Variants in CCDC85C observed in about 807,000 individuals in gnomAD.
CCDC85C encodes the protein coiled-coil domain containing 85C.
CCDC85C carries 18 observed loss-of-function variants against 38.3 expected under a neutral mutation model. That is an observed-to-expected ratio of 0.47 (90% CI 0.33 to 0.70). CCDC85C has a LOEUF of 0.70. Among genes scored for constraint, CCDC85C ranks in the 30% least tolerant of loss-of-function variants. The pLI, the probability that CCDC85C is intolerant of heterozygous loss-of-function variation, is 0.03. For synonymous variants in CCDC85C, 264 were observed against 293.8 expected (o/e 0.90, Z 1.04); for missense variants, 566 against 621.2 (o/e 0.91, Z 0.94).
chr14:99,580,979 T>C (rs1043500045), intron 1 of CCDC85C, among the ~76,000 whole-genome samples: 2 of 152,172 alleles, frequency 1.3e-5, no homozygotes, highest in Non-Finnish European at 2.9e-5. Context: ...TTCAGAATCC[T>C]GAACCTGATG....
At chr14:99,573,581 G>C (rs1284829093) in intron 1 of CCDC85C, among the ~76,000 whole-genome samples, 1 of 152,216 alleles carries the variant, frequency 6.6e-6, no homozygotes, top group Non-Finnish European at 1.5e-5. Context: ...CAGTGAGGCA[G>C]ACCCGGCCTG....
rs983832045 is a variant in CCDC85C at position 99,588,681 on chromosome 14, A to C, written c.793+14486T>G. 6.6e-6 allele frequency among the ~76,000 whole-genome samples: 1 copy of C among 151,920 alleles called. No individual in the cohort carries two copies. Among genetic ancestry groups the C allele is most frequent in the African/African-American group, 2.4e-5 (1 of 41,358 alleles). ...TGGTCTGGGGTCAGGTCATTCCCCCACCCGTATAAGCACTTGGAAGGTGGT... is the reference window on the plus strand; with the variant it reads ...TGGTCTGGGGTCAGGTCATTCCCCCCCCCGTATAAGCACTTGGAAGGTGGT... On this transcript the variant is annotated intron_variant, in intron 1 of 5. Transcript: ENST00000380243. This position sits in a 1 kb window ranked among gnomAD's most constrained non-coding sequence, Gnocchi z 5.0.
intron 1 of CCDC85C, among the ~76,000 whole-genome samples, chr14:99,540,853 C>G (rs1014101121): frequency 6.6e-5 from 10 of 152,300 alleles, no homozygotes; most frequent in Admixed American, 6.5e-4. Flanking sequence ...AGTCACAGAG[C>G]CTGCAGGTCT....
chr14:99,531,057 G>A (rs942636118), intron 2 of CCDC85C, among the ~76,000 whole-genome samples: 5 of 152,172 alleles, frequency 3.3e-5, no homozygotes, highest in Non-Finnish European at 7.3e-5. Flanking sequence ...CCAGACCTCA[G>A]TTTCCCCATC....
In CCDC85C at chr14:99,512,561, T is replaced by C. The variant is rs372418154; in HGVS notation, c.*2685A>G. ...GATAAAAAGGTGCCACCCTACAAAA[T>C]GTGCTCAGCATGTTCTGAGGCCAGG... On this transcript the variant is annotated 3_prime_UTR_variant, in exon 6 of 6. Transcript: ENST00000380243. 35 of 152,080 alleles carry C rather than the reference T, an allele frequency of 2.3e-4. No homozygotes were observed. Among genetic ancestry groups the C allele is most frequent in the African/African-American group, 7.2e-4 (30 of 41,398 alleles). The allele number at this position is 152,080 out of a possible 1,614,324, so 9.4% of individuals were successfully genotyped here.
At chr14:99,521,718 C>A (rs1776054655) in intron 3 of CCDC85C, among the ~76,000 whole-genome samples, 1 of 152,218 alleles carries the variant, frequency 6.6e-6, no homozygotes, top group Non-Finnish European at 1.5e-5. Flanking sequence ...CCACCCCATT[C>A]CCTCCAGGCC....
rs1470435323 is a variant in CCDC85C, at chr14:99,500,805, A to G, written c.*14441T>C. 9 of 1,567,738 alleles carry G rather than the reference A, an allele frequency of 5.7e-6. No homozygotes were observed. The highest frequency in any genetic ancestry group is 1.2e-5 in the South Asian group (1 of 84,834). Reference sequence around the variant, plus strand: ...TCTGGAGAGAATCTTACTGCAGACCATCAAGTTTGATTTACAGGTAGAACA... The same window carrying G: ...TCTGGAGAGAATCTTACTGCAGACCGTCAAGTTTGATTTACAGGTAGAACA... On this transcript the variant is annotated 3_prime_UTR_variant, in exon 6 of 6. Coordinates refer to ENST00000380243, the MANE Select transcript of CCDC85C (RefSeq NM_001144995.2).
In CCDC85C at chr14:99,503,845, A is replaced by G. The variant is rs769164796; in HGVS notation, c.*11401T>C. On this transcript the variant is annotated 3_prime_UTR_variant, in exon 6 of 6. Transcript: ENST00000380243. ...AAAATTGTGCTCTTACGAAGCTATCAGTACAGAAAACATTACTGGCAATAA... is the reference window on the plus strand; with the variant it reads ...AAAATTGTGCTCTTACGAAGCTATCGGTACAGAAAACATTACTGGCAATAA... 1.3e-4 allele frequency: 75 copies of G among 571,798 alleles called. No individual in the cohort carries two copies. The highest frequency in any genetic ancestry group is 1.8e-4 in the Non-Finnish European group (58 of 322,166). 35.4% of individuals were successfully genotyped at this position (571,798 alleles called of 1,614,324 possible).
At chr14:99,559,193 C>A (rs145094828) in intron 1 of CCDC85C, among the ~76,000 whole-genome samples, 5 of 140,400 alleles carry the variant, frequency 3.6e-5, no homozygotes, top group African/African-American at 5.5e-5. Flanking sequence ...TACAGCAATG[C>A]GAGAGCAGCC....
intron 2 of CCDC85C, chr14:99,534,826 A>T (rs1443306854): frequency 1.1e-5 from 7 of 655,456 alleles, no homozygotes; most frequent in Non-Finnish European, 1.9e-5. Context: ...CCTTCACCAT[A>T]GGGCACCTGA....
At position 99,517,198 on chromosome 14, in the gene CCDC85C, C is replaced by CA; in HGVS notation, c.976-16dup. The CA allele has an allele frequency of 6.6e-7, 1 of 1,526,702 alleles. No homozygotes were observed. Among genetic ancestry groups the CA allele is most frequent in the Non-Finnish European group, 8.8e-7 (1 of 1,132,536 alleles). 94.6% of individuals were successfully genotyped at this position (1,526,702 alleles called of 1,614,324 possible). A position where few individuals can be genotyped will look rare whatever the true frequency, so the allele number is the denominator to read the frequency against. Reference sequence around the variant, plus strand: ...CAGGCCGGGCCCTGGGGAAGGCAATCACACATCTCAGCTCACCCTGGCTGG... The same window carrying CA: ...CAGGCCGGGCCCTGGGGAAGGCAATCAACACATCTCAGCTCACCCTGGCTGG... On this transcript the variant is annotated splice_polypyrimidine_tract_variant and intron_variant, in intron 3 of 5. Coordinates refer to ENST00000380243, the MANE Select transcript of CCDC85C (RefSeq NM_001144995.2).
intron 1 of CCDC85C, among the ~76,000 whole-genome samples, chr14:99,600,799 G>A (rs1304708006): frequency 6.6e-6 from 1 of 152,238 alleles, no homozygotes; most frequent in Non-Finnish European, 1.5e-5. Flanking sequence ...CCCAGACAGA[G>A]ACTCATTATC....
At position 99,572,730 on chromosome 14, in the gene CCDC85C, A is replaced by G. The variant is rs1181352562; in HGVS notation, c.793+30437T>C. Reference sequence around the variant, plus strand: ...CTTCCTAGCACTCACCAGGATATGAAACTGTCCCATCCATGGATTTGTTTG... The same window carrying G: ...CTTCCTAGCACTCACCAGGATATGAGACTGTCCCATCCATGGATTTGTTTG... On this transcript the variant is annotated intron_variant, in intron 1 of 5. Coordinates refer to ENST00000380243, the MANE Select transcript of CCDC85C (RefSeq NM_001144995.2). This position sits in a 1 kb window ranked among gnomAD's most constrained non-coding sequence, Gnocchi z 4.4. 8 of 455,938 alleles carry G rather than the reference A, an allele frequency of 1.8e-5. No homozygotes were observed. The highest frequency in any genetic ancestry group is 3.5e-5 in the Non-Finnish European group (8 of 226,810). 28.2% of individuals were successfully genotyped at this position (455,938 alleles called of 1,614,324 possible). A position where few individuals can be genotyped will look rare whatever the true frequency, so the allele number is the denominator to read the frequency against.
At chr14:99,589,386 A>G (rs1035047132) in intron 1 of CCDC85C, among the ~76,000 whole-genome samples, 8 of 152,026 alleles carry the variant, frequency 5.3e-5, no homozygotes, top group Non-Finnish European at 1.2e-4. Context: ...GAGCTTCCCA[A>G]CCACGAACGT....
rs906090555 is a variant in CCDC85C at position 99,517,077 on chromosome 14, G to A, written c.1071+11C>T. The A allele has an allele frequency of 3.9e-6, 6 of 1,549,774 alleles. No individual in the cohort carries two copies. Among genetic ancestry groups the A allele is most frequent in the Non-Finnish European group, 4.4e-6 (5 of 1,146,214 alleles). ...CTGAGGACTTCTGAGGGAGCGGGTA[G>A]TGGCCCTCACCTTCATGGCATGCAC... On this transcript the variant is annotated intron_variant, in intron 4 of 5. Transcript: ENST00000380243.
At position 99,534,312 on chromosome 14, in the gene CCDC85C, C is replaced by T. The variant is rs570846371; in HGVS notation, c.867+1703G>A. Among the ~76,000 whole-genome samples, 8 of 151,590 alleles carry T rather than the reference C, an allele frequency of 5.3e-5. No individual in the cohort carries two copies. In the South Asian group the frequency reaches 1.0e-3, roughly 20 times the overall value. On this transcript the variant is annotated intron_variant, in intron 2 of 5. Transcript: ENST00000380243. ...AGAGGGTTGTGGTGAGCTGAGATCA[C>T]GCCATTGTAATCCAGCCTGGGCAAC... is the stretch of plus-strand genomic sequence containing the variant.
chr14:99,532,868 G>A (rs1183509445), intron 2 of CCDC85C, among the ~76,000 whole-genome samples: 4 of 146,634 alleles, frequency 2.7e-5, no homozygotes, highest in Admixed American at 7.1e-5. Flanking sequence ...TGCAACCTCC[G>A]CCTCCCAGGT....
Position 99,516,509 on chromosome 14 carries a change from C to A in CCDC85C, c.1072-223G>T, listed in dbSNP as rs1340929034. On this transcript the variant is annotated intron_variant, in intron 4 of 5. Coordinates refer to ENST00000380243, the MANE Select transcript of CCDC85C (RefSeq NM_001144995.2). This position sits in a 1 kb window ranked among gnomAD's most constrained non-coding sequence, Gnocchi z 5.5. ...GGGAAGCAGCTCATGGCTGGGCCAC[C>A]CGGGAGGAAGTAGACAGGCTGGGCA... Among the ~76,000 whole-genome samples the A allele has an allele frequency of 6.6e-6, 1 of 152,132 alleles. No homozygotes were observed. The highest frequency in any genetic ancestry group is 1.5e-5 in the Non-Finnish European group (1 of 68,028).
chr14:99,518,859 G>T (rs1041126831), intron 3 of CCDC85C, among the ~76,000 whole-genome samples: 5 of 152,184 alleles, frequency 3.3e-5, no homozygotes, highest in African/African-American at 1.2e-4. Context: ...ACTGGGCAGT[G>T]GTGGGTGCCA....
Sources: allele counts gnomAD v4.1 joint callset (sites outside exome capture counted in the v4.1 genomes callset), GRCh38; gene constraint gnomAD v4.1.1; non-coding constraint Gnocchi (gnomAD v3.1); transcripts MANE v1.5; gene names NCBI Gene and HGNC (gene_info 2026-07-23, HGNC 2026-07-21).